Variants in ARHGAP36 observed in about 807,000 individuals in gnomAD.
ARHGAP36 encodes the protein rho GTPase-activating protein 36.
A neutral mutation model predicts 32.9 loss-of-function variants in ARHGAP36; 7 were observed. The ratio of observed to expected loss-of-function variants is 0.21; its 90% CI spans 0.12 to 0.40. The LOEUF is 0.40. Ranked by LOEUF, ARHGAP36 falls within the 10% of genes least tolerant of loss-of-function variation. The pLI, the probability that ARHGAP36 is intolerant of heterozygous loss-of-function variation, is 1.00. For synonymous variants in ARHGAP36, 165 were observed against 168.3 expected, an observed-to-expected ratio of 0.98 and a Z score of 0.15; for missense variants, 383 against 442.2, an observed-to-expected ratio of 0.87 and a Z score of 1.20.
intron 1 of ARHGAP36, among the ~76,000 whole-genome samples, chrX:131,066,265 G>A (rs1043329426): frequency 4.5e-5 from 5 of 111,599 alleles, no homozygotes; most frequent in Non-Finnish European, 7.5e-5. Context: ...TTTGAAATTC[G>A]CCATATACCA....
intron 3 of ARHGAP36, 98 bp from the exon 4 acceptor site, chrX:131,083,636 G>C: frequency 5.9e-6 from 5 of 853,935 alleles, no homozygotes; most frequent in Non-Finnish European, 6.9e-6. Context: ...GGTTGGCTGC[G>C]GGTGGTTGCT....
chrX:131,080,821 A>T, intron 1 of ARHGAP36, among the ~76,000 whole-genome samples: 1 of 112,308 alleles, frequency 8.9e-6, no homozygotes, highest in Non-Finnish European at 1.9e-5. Context: ...ACAGGCAAAC[A>T]AAATCTCACC....
intron 1 of ARHGAP36, among the ~76,000 whole-genome samples, chrX:131,067,729 A>G (rs1424084734): frequency 1.8e-5 from 2 of 111,702 alleles, no homozygotes; most frequent in Non-Finnish European, 3.8e-5. Flanking sequence ...ACATGCGTCC[A>G]CACCACACAC....
chrX:131,069,197 G>A (rs1451955336), intron 1 of ARHGAP36, among the ~76,000 whole-genome samples: 1 of 112,243 alleles, frequency 8.9e-6, no homozygotes, highest in Non-Finnish European at 1.9e-5. Flanking sequence ...TGGCGGCGGG[G>A]GTCACTCCGG....
In ARHGAP36 at chrX:131,088,924, TGAG is replaced by T. The variant is rs2079851664; in HGVS notation, c.*140_*142del. 5 of 890,146 alleles carry T rather than the reference TGAG, an allele frequency of 5.6e-6. No homozygotes were observed. In the Admixed American group the frequency reaches 1.2e-4, roughly 22 times the overall value. The allele number at this position is 890,146 out of a possible 1,213,427, so 73.4% of individuals were successfully genotyped here. A position where few individuals can be genotyped will look rare whatever the true frequency, so the allele number is the denominator to read the frequency against. ...GTTCCACCTGATGCTCGGGTCAGGA[TGAG>T]AATTCCAAACACACTGCCAGCCCCT... On this transcript the variant is annotated 3_prime_UTR_variant, in exon 12 of 12. Coordinates refer to ENST00000276211, the MANE Select transcript of ARHGAP36 (RefSeq NM_144967.4).
Position 131,073,768 on chromosome X carries a change from C to A in ARHGAP36, c.-142-7756C>A, listed in dbSNP as rs191902472. On this transcript the variant is annotated intron_variant, in intron 1 of 11. Coordinates refer to ENST00000276211, the MANE Select transcript of ARHGAP36 (RefSeq NM_144967.4). ...TAGTAACTGAGGAGGCCTCCTGACT[C>A]CTGGTCTAGGGATTTTTCTGATTGC... 1.5e-3 allele frequency among the ~76,000 whole-genome samples: 163 copies of A among 111,566 alleles called. 2 individuals are homozygous for A. In the Admixed American group the frequency reaches 0.015, roughly 10 times the overall value.
chrX:131,059,732 T>C (rs1282349900), intron 1 of ARHGAP36, among the ~76,000 whole-genome samples: 3 of 112,131 alleles, frequency 2.7e-5, no homozygotes, highest in African/African-American at 9.7e-5. Context: ...TTAAGGTTTA[T>C]ATGATCCTGG....
chrX:131,087,551 G>A (rs2079841936), intron 11 of ARHGAP36, among the ~76,000 whole-genome samples: 1 of 111,735 alleles, frequency 8.9e-6, no homozygotes, highest in Non-Finnish European at 1.9e-5. Context: ...ATCCCAAAAT[G>A]ATGAGGAAGC....
chrX:131,058,633 C>T (rs1450577410), intron 1 of ARHGAP36, among the ~76,000 whole-genome samples, 189 bp downstream of exon 1: 1 of 113,669 alleles, frequency 8.8e-6, no homozygotes, highest in Non-Finnish European at 1.9e-5. Flanking sequence ...CCAGCTTTGC[C>T]GGGAACCGCG....
chrX:131,058,464 TC>T lies in ARHGAP36; in HGVS notation c.-143+21del. 1 of 1,043,487 alleles carries T rather than the reference TC, an allele frequency of 9.6e-7. No homozygotes were observed. Among genetic ancestry groups the T allele is most frequent in the Non-Finnish European group, 1.2e-6 (1 of 808,275 alleles). The allele number at this position is 1,043,487 out of a possible 1,213,427, so 86.0% of individuals were successfully genotyped here. On this transcript the variant is annotated intron_variant, in intron 1 of 11. Coordinates refer to ENST00000276211, the MANE Select transcript of ARHGAP36 (RefSeq NM_144967.4). The stretch of plus-strand genomic sequence containing the variant: ...GCCGTGGTGAGTGGGGCCCACCGAG[TC>T]GGGGGGCTGGGGTGCTCGGCCGGGG...
chrX:131,063,947 G>T (rs2079683508), intron 1 of ARHGAP36, among the ~76,000 whole-genome samples: 1 of 111,905 alleles, frequency 8.9e-6, no homozygotes, highest in Non-Finnish European at 1.9e-5. Flanking sequence ...TGTATTTTAA[G>T]TGCTGCATAG....
chrX:131,075,957 T>C (rs1374817485), intron 1 of ARHGAP36, among the ~76,000 whole-genome samples: 2 of 111,767 alleles, frequency 1.8e-5, no homozygotes, highest in African/African-American at 6.5e-5. Flanking sequence ...TTGTTGCTAT[T>C]GTAAAATGGG....
At chrX:131,075,925 A>G (rs1266484843) in intron 1 of ARHGAP36, among the ~76,000 whole-genome samples, 1 of 111,646 alleles carries the variant, frequency 9.0e-6, no homozygotes, top group Non-Finnish European at 1.9e-5. Context: ...TAGATAAGTC[A>G]CAGCCTCTCC....
intron 2 of ARHGAP36, among the ~76,000 whole-genome samples, 160 bp from the exon 3 acceptor site, chrX:131,083,005 G>T (rs1031039275): frequency 8.8e-6 from 1 of 113,132 alleles, no homozygotes; most frequent in African/African-American, 3.2e-5. Flanking sequence ...GTTAGGTGGG[G>T]AAACTGAGGC....
At chrX:131,086,486 C>T (rs1051431484) in intron 10 of ARHGAP36, 60 bp downstream of exon 10, 19 of 1,197,953 alleles carry the variant, frequency 1.6e-5, no homozygotes, top group Admixed American at 2.2e-5. Context: ...ATGGGGTTTT[C>T]CAACTCCAGA....
Position 131,086,578 on chromosome X carries a change from G to A in ARHGAP36, c.1399G>A (p.Glu467Lys). The change falls in exon 11 of 12, where the codon GAA becomes AAA. Residue 467 changes from glutamate to lysine, a missense_variant. Around this residue, in one of 2 missense-constraint regions of ARHGAP36, gnomAD observed 227 missense variants for 311.3 expected, o/e 0.73. Transcript: ENST00000276211. Reference protein sequence around the residue: ...RKIQSARIKMEEDALLSDPVE... With the variant: ...RKIQSARIKMKEDALLSDPVE... Reference sequence around the variant, plus strand: ...ATTCAGGAGTGCACGCATAAAGATGGAAGAGGATGCACTACTTTCTGATCC... The same window carrying A: ...ATTCAGGAGTGCACGCATAAAGATGAAAGAGGATGCACTACTTTCTGATCC... 1 of 1,211,782 alleles carries A rather than the reference G, an allele frequency of 8.3e-7. No individual in the cohort carries two copies. The highest frequency in any genetic ancestry group is 1.1e-6 in the Non-Finnish European group (1 of 895,392).
Position 131,084,168 on chromosome X carries a change from T to C in ARHGAP36, c.556-47T>C, listed in dbSNP as rs370207587. 1.5e-5 allele frequency: 17 copies of C among 1,141,465 alleles called. No individual in the cohort carries two copies. In the African/African-American group the frequency reaches 2.5e-4, roughly 17 times the overall value. The allele number at this position is 1,141,465 out of a possible 1,213,427, so 94.1% of individuals were successfully genotyped here. A position where few individuals can be genotyped will look rare whatever the true frequency, so the allele number is the denominator to read the frequency against. ...ATACAGTACTCAGGAAGGTCCTAAT[T>C]GACTCTCTTTATTTCCCATTTTAAG... On this transcript the variant is annotated intron_variant, in intron 4 of 11. Coordinates refer to ENST00000276211, the MANE Select transcript of ARHGAP36 (RefSeq NM_144967.4).
chrX:131,076,818 G>A (rs181169821), intron 1 of ARHGAP36, among the ~76,000 whole-genome samples: 16 of 112,102 alleles, frequency 1.4e-4, no homozygotes, highest in Non-Finnish European at 2.4e-4. Flanking sequence ...GGGACCAGGT[G>A]ATGGCTAAGG....
At position 131,081,727 on chromosome X, in the gene ARHGAP36, C is replaced by G; in HGVS notation, c.62C>G (p.Pro21Arg). The G allele has an allele frequency of 8.3e-7, 1 of 1,211,880 alleles. No individual in the cohort carries two copies. Among genetic ancestry groups the G allele is most frequent in the East Asian group, 3.0e-5 (1 of 33,827 alleles). Residue 21 changes from proline (P) to arginine (R), a missense_variant, in exon 2 of 12, where the codon CCT becomes CGT. This residue lies in a region of ARHGAP36 where 156 missense variants were observed against 131.0 expected (regional missense o/e 1.19). Transcript: ENST00000276211. ...GCACTGTGCCCCAGAATCATGCCCC[C>G]TTTGCTGTTGTTGTCCGCCTTCATT... ...ARALCPRIMPPLLLLSAFIFL... is the reference protein window; with the variant it reads ...ARALCPRIMPRLLLLSAFIFL...
Sources: allele counts gnomAD v4.1 joint callset (sites outside exome capture counted in the v4.1 genomes callset), GRCh38; gene constraint gnomAD v4.1.1; regional missense constraint gnomAD v4.1.1; transcripts MANE v1.5; gene names NCBI Gene and HGNC (gene_info 2026-07-23, HGNC 2026-07-21).